CFAP299: variants seen among roughly 807,000 people sequenced by gnomAD.
The protein encoded by CFAP299 is cilia and flagella associated protein 299.
A neutral mutation model predicts 27.0 loss-of-function variants in CFAP299; 21 were observed. The observed-to-expected ratio is 0.78, with a 90% CI of 0.55 to 1.12. CFAP299 has a LOEUF of 1.12. CFAP299 is among the 50% of genes most tolerant of loss of function. The pLI is 0.00. For synonymous variants in CFAP299, 104 were observed against 98.1 expected (o/e 1.06, Z -0.36); for missense variants, 310 against 276.6 (o/e 1.12, Z -0.86).
At chr4:80,939,487 T>C (rs1418498173) in intron 4 of CFAP299, among the ~76,000 whole-genome samples, 1 of 152,062 alleles carries the variant, frequency 6.6e-6, no homozygotes, top group Non-Finnish European at 1.5e-5. Context: ...TTTTCAGTCA[T>C]TGTAGTCTTC....
rs534679284 is a variant in CFAP299, at chr4:80,472,426, A to G, written c.242+109542A>G. On this transcript the variant is annotated intron_variant, in intron 2 of 5. Transcript: ENST00000358105. ...ATTAATCATTTTCCCCAAAAAAACT[A>G]TGCTATTGCCGTCAGAACCCAACGG... Among the ~76,000 whole-genome samples the G allele has an allele frequency of 5.1e-4, 77 of 152,322 alleles. 1 individual carries two copies. The highest frequency in any genetic ancestry group is 1.8e-3 in the African/African-American group (74 of 41,576).
chr4:80,474,268 C>G (rs1466942363), intron 2 of CFAP299, among the ~76,000 whole-genome samples: 1 of 151,910 alleles, frequency 6.6e-6, no homozygotes, highest in East Asian at 1.9e-4. Context: ...AATAATATTT[C>G]TTTTCTAAAA....
At chr4:80,352,566 C>CA (rs984162645) in intron 1 of CFAP299, among the ~76,000 whole-genome samples, 9 of 151,114 alleles carry the variant, frequency 6.0e-5, no homozygotes, top group African/African-American at 2.2e-4. Flanking sequence ...GACTCTGTCT[C>CA]AAAAAAATAA....
At chr4:80,345,135 A>T (rs939679599) in intron 1 of CFAP299, among the ~76,000 whole-genome samples, 1 of 152,152 alleles carries the variant, frequency 6.6e-6, no homozygotes, top group African/African-American at 2.4e-5. Context: ...GAAAGTTCTG[A>T]CCAGGGCAAT....
At position 80,503,666 on chromosome 4, in the gene CFAP299, G is replaced by A. The variant is rs1731850637; in HGVS notation, c.243-79427G>A. ...TAGAACGGTGGCTAATATATATTAA[G>A]CAGTCAGTTGTATTAACAGTTGTTG... On this transcript the variant is annotated intron_variant, in intron 2 of 5. Coordinates refer to ENST00000358105, the MANE Select transcript of CFAP299 (RefSeq NM_152770.3). Among the ~76,000 whole-genome samples, 3 of 152,208 alleles carry A rather than the reference G, an allele frequency of 2.0e-5. No individual in the cohort carries two copies. The South Asian group carries it at 6.2e-4, about 32-fold the overall frequency.
chr4:80,408,344 T>C (rs968159596), intron 2 of CFAP299, among the ~76,000 whole-genome samples: 5 of 152,240 alleles, frequency 3.3e-5, no homozygotes, highest in Non-Finnish European at 7.3e-5. Context: ...GTGCTCTTGA[T>C]TTATGTTCCG....
At chr4:80,367,303 G>A (rs547504165) in intron 2 of CFAP299, among the ~76,000 whole-genome samples, 4 of 152,294 alleles carry the variant, frequency 2.6e-5, no homozygotes, top group African/African-American at 9.6e-5. Flanking sequence ...CAAGATTTGT[G>A]AGGGGACGTG....
chr4:80,387,317 T>G, intron 2 of CFAP299: 1 of 1,608,158 alleles, frequency 6.2e-7, no homozygotes, highest in East Asian at 2.2e-5. Context: ...TGGGAACGTT[T>G]GGGCACAGCT....
At chr4:80,485,295 G>A (rs976613940) in intron 2 of CFAP299, among the ~76,000 whole-genome samples, 1 of 149,782 alleles carries the variant, frequency 6.7e-6, no homozygotes, top group African/African-American at 2.4e-5. Context: ...AAAACAAATT[G>A]AACTATAAAA....
intron 3 of CFAP299, among the ~76,000 whole-genome samples, chr4:80,860,989 G>A (rs1469227292): frequency 6.6e-6 from 1 of 152,194 alleles, no homozygotes; most frequent in East Asian, 1.9e-4. Context: ...CTATCTTTTT[G>A]TTTGTCTGTG....
chr4:80,466,310 T>A (rs1473862715), intron 2 of CFAP299, among the ~76,000 whole-genome samples: 18 of 152,148 alleles, frequency 1.2e-4, no homozygotes, highest in Non-Finnish European at 5.9e-5. Flanking sequence ...ATATAAGTCA[T>A]GGAAATAACA....
intron 3 of CFAP299, among the ~76,000 whole-genome samples, chr4:80,679,254 A>G (rs1308126690): frequency 6.6e-6 from 1 of 152,018 alleles, no homozygotes; most frequent in African/African-American, 2.4e-5. Flanking sequence ...TTATTCCTTT[A>G]CATTGATGAG....
At chr4:80,723,349 T>C (rs1395834973) in intron 3 of CFAP299, among the ~76,000 whole-genome samples, 1 of 151,998 alleles carries the variant, frequency 6.6e-6, no homozygotes, top group Non-Finnish European at 1.5e-5. Flanking sequence ...AATACAAACA[T>C]ACATCAATAG....
chr4:80,775,376 A>G lies in CFAP299; in HGVS notation c.334-94617A>G, dbSNP rs140707106. ...ATCTAAGAGATATATCTCATCTTCA[A>G]TGAGCATGAATTACTTTCACATAAT... On this transcript the variant is annotated intron_variant, in intron 3 of 5. Coordinates refer to ENST00000358105, the MANE Select transcript of CFAP299 (RefSeq NM_152770.3). 2.6e-3 allele frequency among the ~76,000 whole-genome samples: 389 copies of G among 152,166 alleles called. 1 individual carries two copies. The highest frequency in any genetic ancestry group is 8.8e-3 in the African/African-American group (366 of 41,560).
chr4:80,737,136 G>A (rs1723946184), intron 3 of CFAP299, among the ~76,000 whole-genome samples: 1 of 149,848 alleles, frequency 6.7e-6, no homozygotes, highest in South Asian at 2.2e-4. Context: ...ACACAGGAAG[G>A]GGAACATCAC....
chr4:80,593,702 G>A (rs1268967153), intron 3 of CFAP299, among the ~76,000 whole-genome samples: 1 of 152,008 alleles, frequency 6.6e-6, no homozygotes, highest in Non-Finnish European at 1.5e-5. Flanking sequence ...TCATTTTGTT[G>A]ATGTCTGATG....
At chr4:80,565,182 C>A (rs1735219700) in intron 2 of CFAP299, among the ~76,000 whole-genome samples, 1 of 151,898 alleles carries the variant, frequency 6.6e-6, no homozygotes, top group Non-Finnish European at 1.5e-5. Context: ...GACCTATACA[C>A]AAAGCAATAT....
intron 3 of CFAP299, among the ~76,000 whole-genome samples, chr4:80,691,638 C>T (rs1400534063): frequency 6.7e-6 from 1 of 150,088 alleles, no homozygotes. Flanking sequence ...TGGCACAAGA[C>T]AGGGATGCCC....
intron 3 of CFAP299, among the ~76,000 whole-genome samples, chr4:80,690,240 AT>A (rs575172994): frequency 4.6e-5 from 7 of 150,840 alleles, no homozygotes; most frequent in Middle Eastern, 3.4e-3. Context: ...CAGAATATAC[AT>A]TTTTTTCAGC....
Sources: gnomAD v4.1 joint callset for allele counts (sites outside exome capture counted in the v4.1 genomes callset) on GRCh38, gnomAD v4.1.1 for gene constraint, MANE v1.5 for transcripts, NCBI Gene and HGNC (gene_info 2026-07-23, HGNC 2026-07-21) for gene names.